Variants in LRPPRC observed in about 807,000 individuals in gnomAD.
LRPPRC encodes leucine-rich PPR motif-containing protein, mitochondrial.
LRPPRC carries 120 observed loss-of-function variants against 180.3 expected under a neutral mutation model. The ratio of observed to expected loss-of-function variants is 0.67; its 90% CI spans 0.57 to 0.77. The LOEUF (loss-of-function observed/expected upper bound fraction) is 0.77. Among genes scored for constraint, LRPPRC ranks in the 30% least tolerant of loss-of-function variants. The pLI is 0.00. For synonymous variants in LRPPRC, 723 were observed against 600.0 expected, an observed-to-expected ratio of 1.21 and a Z score of -3.00; for missense variants, 2,012 against 1,657.2, an observed-to-expected ratio of 1.21 and a Z score of -3.72.
At chr2:43,959,630 C>A (rs576962247) in intron 13 of LRPPRC, among the ~76,000 whole-genome samples, 2 of 152,144 alleles carry the variant, frequency 1.3e-5, no homozygotes, top group African/African-American at 4.8e-5. Flanking sequence ...ACAGGCCAGG[C>A]GCAGTGGCTC....
intron 1 of LRPPRC, among the ~76,000 whole-genome samples, chr2:43,985,948 G>T (rs1674509364): frequency 6.6e-6 from 1 of 152,176 alleles, no homozygotes; most frequent in Admixed American, 6.6e-5. Context: ...GAGAGTTCCT[G>T]TTGTCCTACA....
chr2:43,896,220 T>A (rs1396746532), intron 35 of LRPPRC: 1 of 67,690 alleles, frequency 1.5e-5, no homozygotes, highest in Non-Finnish European at 2.7e-5. Flanking sequence ...CTTTCTTTCT[T>A]TCTTTTTTTT....
In LRPPRC at chr2:43,970,034, T is replaced by C. The variant is rs150891467; in HGVS notation, c.1369+3573A>G. Among the ~76,000 whole-genome samples the C allele has an allele frequency of 3.6e-3, 550 of 152,156 alleles. 3 individuals are homozygous for C. Among genetic ancestry groups the C allele is most frequent in the Non-Finnish European group, 4.0e-3 (271 of 67,908 alleles). ...ATTTTTTTCAGCTGTATCAAAATAC[T>C]GTAATAATACATAATCCTGAAAAGT... On this transcript the variant is annotated intron_variant, in intron 11 of 37. Coordinates refer to ENST00000260665, the MANE Select transcript of LRPPRC (RefSeq NM_133259.4).
At chr2:43,960,887 G>C (rs1464295324) in intron 12 of LRPPRC, among the ~76,000 whole-genome samples, 1 of 152,092 alleles carries the variant, frequency 6.6e-6, no homozygotes, top group Admixed American at 6.6e-5. Flanking sequence ...TTACTACTGA[G>C]GACACTAGAA....
At chr2:43,970,798 C>A (rs1673770462) in intron 11 of LRPPRC, among the ~76,000 whole-genome samples, 1 of 152,194 alleles carries the variant, frequency 6.6e-6, no homozygotes, top group Non-Finnish European at 1.5e-5. Context: ...GCAACTGCTT[C>A]CTCTTTGAAA....
At chr2:43,987,452 G>A (rs575060304) in intron 1 of LRPPRC, among the ~76,000 whole-genome samples, 1 of 130,894 alleles carries the variant, frequency 7.6e-6, no homozygotes, top group African/African-American at 3.0e-5. Context: ...CCGAGATAGC[G>A]TCACTGCACT....
In LRPPRC at chr2:43,965,769, A is replaced by G. The variant is rs138605230; in HGVS notation, c.1370-2063T>C. 8.7e-4 allele frequency among the ~76,000 whole-genome samples: 132 copies of G among 152,342 alleles called. 2 individuals are homozygous for G. Among genetic ancestry groups the G allele is most frequent in the African/African-American group, 3.1e-3 (127 of 41,594 alleles). Reference sequence around the variant, plus strand: ...CCAACAGGTTTATGAAAAGATGCTCAACATTACTAATCATCAGGGAAATGC... The same window carrying G: ...CCAACAGGTTTATGAAAAGATGCTCGACATTACTAATCATCAGGGAAATGC... On this transcript the variant is annotated intron_variant, in intron 11 of 37. Coordinates refer to ENST00000260665, the MANE Select transcript of LRPPRC (RefSeq NM_133259.4).
At chr2:43,926,670 C>T (rs746743337) in intron 25 of LRPPRC, among the ~76,000 whole-genome samples, 3 of 152,172 alleles carry the variant, frequency 2.0e-5, no homozygotes, top group African/African-American at 4.8e-5. Flanking sequence ...CCTGACTGCA[C>T]GTGCTCTTTC....
rs561075797 is a variant in LRPPRC, at chr2:43,988,879, C to CT, written c.150-6446dup. 7.2e-5 allele frequency among the ~76,000 whole-genome samples: 11 copies of CT among 151,860 alleles called. No homozygotes were observed. The South Asian group carries it at 1.5e-3, about 20-fold the overall frequency. ...AGTTTTTACAATATCTTTCCTTTAT[C>CT]TTTTTTTTGAGACAGGGTCTCATTC... On this transcript the variant is annotated intron_variant, in intron 1 of 37. Transcript: ENST00000260665.
chr2:43,954,555 G>A (rs1673027967), intron 14 of LRPPRC, among the ~76,000 whole-genome samples: 1 of 152,202 alleles, frequency 6.6e-6, no homozygotes, highest in Non-Finnish European at 1.5e-5. Context: ...TGGAAAAGTA[G>A]TATGGTAGTA....
intron 14 of LRPPRC, among the ~76,000 whole-genome samples, chr2:43,953,464 T>C (rs1672982964): frequency 6.6e-6 from 1 of 152,248 alleles, no homozygotes; most frequent in African/African-American, 2.4e-5. Context: ...GATTTGCAAC[T>C]GTGCAAACAC....
Position 43,974,244 on chromosome 2 carries a change from G to C in LRPPRC, c.1061C>G (p.Ala354Gly). ...GGGGCATGCTAGTAAAATTTGCAACGCTACATCTTCCAATTTTTCAGTGAC... is the reference window on the plus strand; with the variant it reads ...GGGGCATGCTAGTAAAATTTGCAACCCTACATCTTCCAATTTTTCAGTGAC... ...LLVTEKLEDV[A>G]LQILLACPVS... The change falls in exon 9 of 38, where the codon GCG becomes GGG. Residue 354 changes from alanine (A) to glycine (G), a missense_variant. Physicochemically the swap from Ala to Gly is moderately conservative, Grantham distance 60 (BLOSUM62 0). Coordinates refer to ENST00000260665, the MANE Select transcript of LRPPRC (RefSeq NM_133259.4). 2 of 1,610,540 alleles carry C rather than the reference G, an allele frequency of 1.2e-6. No homozygotes were observed. The highest frequency in any genetic ancestry group is 4.5e-5 in the East Asian group (2 of 44,846).
At position 43,982,370 on chromosome 2, in the gene LRPPRC, A is replaced by C. The variant is rs1486288925; in HGVS notation, c.214T>G (p.Ser72Ala). 2 of 1,613,626 alleles carry C rather than the reference A, an allele frequency of 1.2e-6. No homozygotes were observed. Among genetic ancestry groups the C allele is most frequent in the Non-Finnish European group, 1.7e-6 (2 of 1,179,730 alleles). Reference protein sequence around the residue: ...AAKEKDIQEESTFSSRKISNQ... With the variant: ...AAKEKDIQEEATFSSRKISNQ... ...GAAATCTTCCTAGAAGAAAAAGTGG[A>C]CTCCTCTTGAATATCTTTTTCTTTG... Residue 72 changes from serine (S) to alanine (A), a missense_variant, in exon 2 of 38, where the codon TCC becomes GCC. By Grantham distance (99) the Ser-to-Ala change is moderately conservative (BLOSUM62 1). Coordinates refer to ENST00000260665, the MANE Select transcript of LRPPRC (RefSeq NM_133259.4).
intron 22 of LRPPRC, 147 bp from the exon 23 acceptor site, chr2:43,944,041 G>A (rs1672590584): frequency 7.4e-6 from 5 of 671,578 alleles, no homozygotes; most frequent in East Asian, 2.7e-5. Context: ...ATTTCTAAAC[G>A]AGACTACAAT....
chr2:43,945,383 C>T lies in LRPPRC; in HGVS notation c.2245G>A (p.Gly749Ser), dbSNP rs947479956. 3.7e-6 allele frequency: 6 copies of T among 1,612,272 alleles called. No homozygotes were observed. The highest frequency in any genetic ancestry group is 1.1e-5 in the South Asian group (1 of 91,044). The change falls in exon 22 of 38, where the codon GGC becomes AGC. Residue 749 changes from glycine to serine, a missense_variant. Gly to Ser is a moderately conservative substitution (Grantham distance 56). Transcript: ENST00000260665. ...ACTCTTACAAGGCCTACATACTTGC[C>T]GGTGTCAAGGACAGCAGATGAATCT... ...RLDSSAVLDT[G>S]KYVGLVRVLA...
chr2:43,991,061 A>G (rs545595469), intron 1 of LRPPRC, among the ~76,000 whole-genome samples: 1 of 141,084 alleles, frequency 7.1e-6, no homozygotes, highest in African/African-American at 2.6e-5. Flanking sequence ...ATGGGGTCTC[A>G]CTCTGTCACT....
At chr2:43,980,132 T>C (rs955613575) in intron 2 of LRPPRC, among the ~76,000 whole-genome samples, 184 bp from the exon 3 acceptor site, 2 of 152,216 alleles carry the variant, frequency 1.3e-5, no homozygotes, top group African/African-American at 4.8e-5. Flanking sequence ...AAACTTTAAA[T>C]ATTAGTCTGC....
At position 43,887,162 on chromosome 2, in the gene LRPPRC, A is replaced by AAG. The variant is rs1553386875; in HGVS notation, c.*1437_*1438insCT. The AAG allele has an allele frequency of 6.6e-6, 1 of 151,830 alleles. No individual in the cohort carries two copies. Among genetic ancestry groups the AAG allele is most frequent in the Non-Finnish European group, 1.5e-5 (1 of 68,148 alleles). 9.4% of individuals were successfully genotyped at this position (151,830 alleles called of 1,614,324 possible). On this transcript the variant is annotated 3_prime_UTR_variant, in exon 38 of 38. Coordinates refer to ENST00000260665, the MANE Select transcript of LRPPRC (RefSeq NM_133259.4). ...CTATCTCAAAAAAAAAAAAAAAAAAAAAGATGCTTTTGGCAAACCTGTAAC... is the reference window on the plus strand; with the variant it reads ...CTATCTCAAAAAAAAAAAAAAAAAAAAGAAGATGCTTTTGGCAAACCTGTAAC...
chr2:43,907,536 T>C (rs191206483), intron 30 of LRPPRC, among the ~76,000 whole-genome samples: 45 of 151,768 alleles, frequency 3.0e-4, no homozygotes, highest in East Asian at 1.7e-3. Flanking sequence ...AATAACCCTA[T>C]TGGCTGTCCA....
Sources: gnomAD v4.1 joint callset for allele counts (sites outside exome capture counted in the v4.1 genomes callset) on GRCh38, gnomAD v4.1.1 for gene constraint, MANE v1.5 for transcripts, NCBI Gene and HGNC (gene_info 2026-07-23, HGNC 2026-07-21) for gene names.